The following TUBD1 variants were observed in gnomAD, a reference collection of about 807,000 sequenced individuals.
TUBD1 encodes the protein tubulin delta 1.
Under a neutral mutation model 51.2 loss-of-function variants are expected in TUBD1, and 38 were observed. The ratio of observed to expected loss-of-function variants is 0.74; its 90% CI spans 0.57 to 0.97. TUBD1 has a LOEUF of 0.97. TUBD1 is among the 50% of genes least tolerant of loss of function. The pLI is 0.00. For missense variants in TUBD1, 489 were observed against 538.4 expected (o/e 0.91, Z 0.91); for synonymous variants, 169 against 178.2 (o/e 0.95, Z 0.41).
Position 59,866,636 on chromosome 17 carries a change from C to T in TUBD1, c.1048G>A (p.Gly350Arg). 6.2e-7 allele frequency: 1 copy of T among 1,613,756 alleles called. No individual in the cohort carries two copies. The highest frequency in any genetic ancestry group is 8.5e-7 in the Non-Finnish European group (1 of 1,179,924). The change falls in exon 7 of 9, where the codon GGG becomes AGG. Residue 350 changes from glycine (G) to arginine (R), a missense_variant. Coordinates refer to ENST00000325752, the MANE Select transcript of TUBD1 (RefSeq NM_016261.4). Reference protein sequence around the residue: ...TSIANLVILRGKDVQSADVEG... With the variant: ...TSIANLVILRRKDVQSADVEG... ...ACATCTGCACTTTGCACATCTTTCC[C>T]ACGAAGAATGACCAAGTTAGCAATG... is the stretch of plus-strand genomic sequence containing the variant.
chr17:59,873,967 A>C (rs150936948), intron 6 of TUBD1, among the ~76,000 whole-genome samples: 6,438 of 152,204 alleles, frequency 0.042, 479 homozygotes, highest in African/African-American at 0.15. Flanking sequence ...AGACGGGTGG[A>C]TCACGAGGTC....
chr17:59,871,516 G>C (rs530300932), intron 6 of TUBD1, among the ~76,000 whole-genome samples: 4 of 152,132 alleles, frequency 2.6e-5, no homozygotes, highest in Admixed American at 2.6e-4. Flanking sequence ...GATATTTGTA[G>C]CCTCAAACAT....
rs2040145886 is a variant in TUBD1 at position 59,874,653 on chromosome 17, C to CA, written c.819dup (p.Val274CysfsTer3). On this transcript the variant is annotated frameshift_variant, in exon 6 of 9. Coordinates refer to ENST00000325752, the MANE Select transcript of TUBD1 (RefSeq NM_016261.4). LOFTEE classifies it high-confidence loss of function. ...TCAGACATGTGAGGAATGTTACGAA[C>CA]ACTCAGCATCTTGAATTCAGGATGG... 6.2e-7 allele frequency: 1 copy of CA among 1,613,440 alleles called. No individual in the cohort carries two copies. The highest frequency in any genetic ancestry group is 1.3e-5 in the African/African-American group (1 of 74,880).
chr17:59,874,757 A>G, intron 5 of TUBD1, 54 bp from the exon 6 acceptor site: 1 of 1,437,782 alleles, frequency 7.0e-7, no homozygotes, highest in East Asian at 2.3e-5. Flanking sequence ...ATTGTTGCCA[A>G]TAGTCTATAT....
chr17:59,866,555 T>A, intron 7 of TUBD1, 54 bp downstream of exon 7: 8 of 1,599,378 alleles, frequency 5.0e-6, no homozygotes, highest in African/African-American at 2.7e-5. Flanking sequence ...ATTTGTACCA[T>A]ATAGCATGTA....
chr17:59,874,475 T>C (rs896006636), intron 6 of TUBD1, 64 bp downstream of exon 6: 15 of 1,529,610 alleles, frequency 9.8e-6, no homozygotes, highest in African/African-American at 1.4e-5. Flanking sequence ...CCAGTTTATA[T>C]TGAGACTCCA....
intron 5 of TUBD1, 78 bp from the exon 6 acceptor site, chr17:59,874,781 G>C: frequency 4.8e-6 from 6 of 1,257,656 alleles, no homozygotes; most frequent in Non-Finnish European, 6.7e-6. Flanking sequence ...ACCATGATTT[G>C]AAGGTTTTCT....
chr17:59,878,048 T>C (rs928218197), intron 5 of TUBD1, 55 bp downstream of exon 5: 8 of 1,422,554 alleles, frequency 5.6e-6, no homozygotes, highest in Admixed American at 5.5e-5. Context: ...GAATAAACTT[T>C]GAAGCTTTCA....
At chr17:59,870,821 G>A (rs1228673725) in intron 6 of TUBD1, among the ~76,000 whole-genome samples, 1 of 152,186 alleles carries the variant, frequency 6.6e-6, no homozygotes, top group Non-Finnish European at 1.5e-5. Context: ...AGTCTGCAAT[G>A]TCCGTAAGGG....
intron 6 of TUBD1, among the ~76,000 whole-genome samples, chr17:59,868,283 CAAAAAAAAA>C (rs11401623): frequency 6.1e-5 from 3 of 49,142 alleles, no homozygotes; most frequent in African/African-American, 2.2e-4. Flanking sequence ...GACTCCATGT[CAAAAAAAAA>C]AAAAAAAAAA....
At chr17:59,862,180 C>A (rs954526432) in intron 8 of TUBD1, among the ~76,000 whole-genome samples, 1 of 151,036 alleles carries the variant, frequency 6.6e-6, no homozygotes, top group East Asian at 2.1e-4. Flanking sequence ...AAAATTAGCT[C>A]GGTGTAGTGG....
At chr17:59,887,536 G>C (rs555702101) in intron 2 of TUBD1, among the ~76,000 whole-genome samples, 1 of 152,248 alleles carries the variant, frequency 6.6e-6, no homozygotes, top group African/African-American at 2.4e-5. Context: ...GATGGAGAAG[G>C]AGAGGGTAGA....
rs565129663 is a variant in TUBD1, at chr17:59,888,076, A to AG, written c.173-1847dup. Among the ~76,000 whole-genome samples, 107 of 152,184 alleles carry AG rather than the reference A, an allele frequency of 7.0e-4. 1 individual carries two copies. The South Asian group carries it at 0.022, about 32-fold the overall frequency. ...CAGCATCCCAAGTAGCTGGGACTACAGGCACCCGCCACCACGCCTGGCTAA... is the reference window on the plus strand; with the variant it reads ...CAGCATCCCAAGTAGCTGGGACTACAGGGCACCCGCCACCACGCCTGGCTAA... On this transcript the variant is annotated intron_variant, in intron 2 of 8. Coordinates refer to ENST00000325752, the MANE Select transcript of TUBD1 (RefSeq NM_016261.4).
At chr17:59,862,876 T>C (rs983029986) in intron 8 of TUBD1, among the ~76,000 whole-genome samples, 21 of 151,724 alleles carry the variant, frequency 1.4e-4, no homozygotes, top group Middle Eastern at 3.4e-3. Flanking sequence ...AGGCGCCCGC[T>C]ACCACGCCCG....
At chr17:59,885,685 A>C in intron 3 of TUBD1, 2 of 610,692 alleles carry the variant, frequency 3.3e-6, no homozygotes, top group East Asian at 2.9e-5. Flanking sequence ...CAAAAATCAG[A>C]ATCTCTCAAA....
At chr17:59,889,668 CAAAAAAAAAAAAA>C (rs1195587619) in intron 2 of TUBD1, among the ~76,000 whole-genome samples, 1 of 54,178 alleles carries the variant, frequency 1.8e-5, no homozygotes, top group Non-Finnish European at 3.6e-5. Context: ...GACTCTGTCT[CAAAAAAAAAAAAA>C]AAAAAAGAAA....
chr17:59,887,110 C>T (rs533088131), intron 2 of TUBD1, among the ~76,000 whole-genome samples: 5 of 152,020 alleles, frequency 3.3e-5, no homozygotes, highest in Non-Finnish European at 7.4e-5. Flanking sequence ...TGCTTGATCC[C>T]GGGAGGTGGA....
intron 7 of TUBD1, among the ~76,000 whole-genome samples, chr17:59,864,265 C>A (rs2039599025): frequency 6.6e-6 from 1 of 151,768 alleles, no homozygotes; most frequent in South Asian, 2.1e-4. Flanking sequence ...CCCACCTTAG[C>A]CTCCTGAGTA....
intron 7 of TUBD1, among the ~76,000 whole-genome samples, chr17:59,864,790 G>C (rs949615545): frequency 6.6e-6 from 1 of 152,010 alleles, no homozygotes; most frequent in Non-Finnish European, 1.5e-5. Context: ...CACTGTGACT[G>C]GTCCTATTTT....
Sources: allele counts gnomAD v4.1 joint callset (sites outside exome capture counted in the v4.1 genomes callset), GRCh38; gene constraint gnomAD v4.1.1; transcripts MANE v1.5; gene names NCBI Gene and HGNC (gene_info 2026-07-23, HGNC 2026-07-21).